Variants in RIC3 observed in about 807,000 individuals in gnomAD.
RIC3 encodes protein RIC-3.
RIC3 carries 28 observed loss-of-function variants against 27.3 expected under a neutral mutation model. That is an observed-to-expected ratio of 1.02 (90% confidence interval 0.76 to 1.41). The LOEUF (loss-of-function observed/expected upper bound fraction) is 1.41, where lower values mean the gene tolerates loss of function less well. RIC3 is among the 40% of genes most tolerant of loss of function. The probability of loss-of-function intolerance (pLI) is 0.00; values close to 1 mark genes in which losing one functional copy is unlikely to be tolerated. For missense variants in RIC3, 501 were observed against 444.7 expected (o/e 1.13, Z -1.14); for synonymous variants, 184 against 160.4 (o/e 1.15, Z -1.11).
At chr11:8,165,099 C>A (rs1951560689) in intron 1 of RIC3, among the ~76,000 whole-genome samples, 1 of 152,122 alleles carries the variant, frequency 6.6e-6, no homozygotes, top group South Asian at 2.1e-4. Context: ...TCTGGCAGTT[C>A]CTCAAAAGGT....
chr11:8,093,758 G>A, the RIC3 span, among the ~76,000 whole-genome samples: 1 of 152,196 alleles, frequency 6.6e-6, no homozygotes, highest in African/African-American at 2.4e-5. Flanking sequence ...TGGTGGCCCA[G>A]AACTTTTGAG....
At chr11:8,146,855 G>C (rs1450188627) in intron 1 of RIC3, among the ~76,000 whole-genome samples, 1 of 152,182 alleles carries the variant, frequency 6.6e-6, no homozygotes, top group East Asian at 1.9e-4. Flanking sequence ...TTAAGATAAA[G>C]GGTCCTGGCG....
the RIC3 span, chr11:8,095,694 C>G: frequency 1.9e-6 from 3 of 1,561,354 alleles, no homozygotes; most frequent in East Asian, 4.8e-5. Flanking sequence ...CAGTGATACC[C>G]CCAAAACTCA....
chr11:8,101,016 A>G, the RIC3 span: 1 of 1,613,616 alleles, frequency 6.2e-7, no homozygotes, highest in Non-Finnish European at 8.5e-7. Context: ...TTCTGTCCCT[A>G]CTCATTATGG....
the RIC3 span, chr11:8,100,525 A>G: frequency 6.2e-7 from 1 of 1,614,098 alleles, no homozygotes; most frequent in Non-Finnish European, 8.5e-7. Flanking sequence ...TTAGGCTTCA[A>G]GGGGCCTCGG....
chr11:8,168,627 A>C (rs67163850), intron 1 of RIC3, among the ~76,000 whole-genome samples: 14,412 of 152,250 alleles, frequency 0.095, 808 homozygotes, highest in Admixed American at 0.14. Context: ...TAGAGGATGC[A>C]CAGACCTGCA....
the RIC3 span, among the ~76,000 whole-genome samples, chr11:8,100,265 G>A: frequency 1.3e-5 from 2 of 150,890 alleles, no homozygotes; most frequent in African/African-American, 2.5e-5. Context: ...TTGCCGGAGC[G>A]AGTGGAAGAA....
intron 1 of RIC3, among the ~76,000 whole-genome samples, chr11:8,142,151 G>C (rs1949147765): frequency 7.0e-6 from 1 of 143,058 alleles, no homozygotes; most frequent in South Asian, 2.3e-4. Context: ...TCAAAAGCTA[G>C]CAGAAGGCAA....
Position 8,138,329 on chromosome 11 carries a change from T to C in RIC3, c.370A>G (p.Thr124Ala), listed in dbSNP as rs1948641688. The C allele has an allele frequency of 1.9e-6, 3 of 1,613,350 alleles. No homozygotes were observed. The highest frequency in any genetic ancestry group is 2.5e-6 in the Non-Finnish European group (3 of 1,179,370). ...ILFKLSKGKT[T>A]AEDGKCYTAM... ...GTATAGCATTTCCCATCCTCTGCAG[T>C]TGTTTTCCCCTTTGAGAGCTGAGAA... The change falls in exon 3 of 6, where the codon ACT (threonine) becomes GCT (alanine). Residue 124 changes from threonine (T) to alanine (A), a missense_variant. Transcript: ENST00000309737.
chr11:8,129,765 C>A (rs1346838230), intron 4 of RIC3, among the ~76,000 whole-genome samples: 2 of 152,192 alleles, frequency 1.3e-5, no homozygotes, highest in Non-Finnish European at 2.9e-5. Context: ...CAGGATACTG[C>A]AGCAGAGTCT....
rs1314115120 is a variant in RIC3, at chr11:8,110,926, G to C, written c.882C>G (p.Thr294=). The C allele has an allele frequency of 6.2e-7, 1 of 1,614,058 alleles. No homozygotes were observed. Among genetic ancestry groups the C allele is most frequent in the African/African-American group, 1.3e-5 (1 of 74,930 alleles). The change falls in exon 6 of 6, where the codon ACC becomes ACG. Residue 294 remains threonine (T), a synonymous_variant. Coordinates refer to ENST00000309737, the MANE Select transcript of RIC3 (RefSeq NM_001206671.4). ...ATGTTTCTGGCTTTGGATCACACGA[G>C]GTAACAGAATTATCTTCCTGGGCTC... ...DPRAQEDNSV[T]SCDPKPETCS...
chr11:8,115,866 T>A (rs1003489567), intron 5 of RIC3, among the ~76,000 whole-genome samples: 2 of 152,178 alleles, frequency 1.3e-5, no homozygotes, highest in African/African-American at 4.8e-5. Flanking sequence ...AAAATTTCAA[T>A]GACAATTTTC....
chr11:8,134,349 T>C (rs181997437), intron 4 of RIC3, among the ~76,000 whole-genome samples: 1 of 152,374 alleles, frequency 6.6e-6, no homozygotes, highest in African/African-American at 2.4e-5. Flanking sequence ...GGCTGCATAG[T>C]ATTCCATGGT....
At chr11:8,136,219 GA>G (rs1948392636) in intron 4 of RIC3, among the ~76,000 whole-genome samples, 13 of 152,186 alleles carry the variant, frequency 8.5e-5, no homozygotes, top group Non-Finnish European at 1.6e-4. Context: ...TCCAGCCAAA[GA>G]CAGGCAAGGC....
At chr11:8,097,401 C>T in the RIC3 span, 1 of 1,614,186 alleles carries the variant, frequency 6.2e-7, no homozygotes, top group Non-Finnish European at 8.5e-7. Flanking sequence ...ACTTTCTGCA[C>T]CTGGACCGTG....
intron 1 of RIC3, chr11:8,153,230 G>A (rs1187873861): frequency 7.0e-6 from 2 of 284,152 alleles, no homozygotes; most frequent in African/African-American, 4.5e-5. Context: ...CGGTATTATT[G>A]TTCACATATT....
At chr11:8,165,783 T>C (rs1180547014) in intron 1 of RIC3, among the ~76,000 whole-genome samples, 2 of 105,340 alleles carry the variant, frequency 1.9e-5, no homozygotes, top group Admixed American at 1.9e-4. Flanking sequence ...TTTTGTTTTG[T>C]TTTGTTTTTT....
In RIC3 at chr11:8,106,636, G is replaced by A. The variant is rs1208343439; in HGVS notation, c.*4062C>T. 2 of 152,228 alleles carry A rather than the reference G, an allele frequency of 1.3e-5. No individual in the cohort carries two copies. Among genetic ancestry groups the A allele is most frequent in the Non-Finnish European group, 2.9e-5 (2 of 68,060 alleles). The allele number at this position is 152,228 out of a possible 1,614,324, so 9.4% of individuals were successfully genotyped here. A position where few individuals can be genotyped will look rare whatever the true frequency, so the allele number is the denominator to read the frequency against. On this transcript the variant is annotated 3_prime_UTR_variant, in exon 6 of 6. Transcript: ENST00000309737. ...AAGACCCAACCACTTGATGTCTCAG[G>A]GCTTGCTTGGACCCTAACCCATTTA...
intron 1 of RIC3, among the ~76,000 whole-genome samples, chr11:8,164,398 C>G (rs1228100470): frequency 1.3e-5 from 2 of 152,136 alleles, no homozygotes; most frequent in Non-Finnish European, 2.9e-5. Context: ...AAGGCAACCA[C>G]TGAATGGAAG....
Sources: gnomAD v4.1 joint callset for allele counts (sites outside exome capture counted in the v4.1 genomes callset) on GRCh38, gnomAD v4.1.1 for gene constraint, MANE v1.5 for transcripts, NCBI Gene and HGNC (gene_info 2026-07-23, HGNC 2026-07-21) for gene names.